Variants in PAK5 observed in about 807,000 individuals in gnomAD.
PAK5 encodes the protein serine/threonine-protein kinase PAK 5.
In PAK5, 16 loss-of-function variants were observed where a neutral mutation model predicts 65.9. That is an observed-to-expected ratio of 0.24 (90% CI 0.16 to 0.37). The LOEUF is 0.37. Among genes scored for constraint, PAK5 ranks in the 10% least tolerant of loss-of-function variants. The pLI, the probability that PAK5 is intolerant of heterozygous loss-of-function variation, is 1.00. For synonymous variants in PAK5, 371 were observed against 354.9 expected, an observed-to-expected ratio of 1.05 and a Z score of -0.51; for missense variants, 785 against 903.9, an observed-to-expected ratio of 0.87 and a Z score of 1.69.
intron 1 of PAK5, among the ~76,000 whole-genome samples, chr20:9,762,964 C>A (rs2048716706): frequency 6.6e-6 from 1 of 152,060 alleles, no homozygotes; most frequent in South Asian, 2.1e-4. Context: ...CTATTTGCAA[C>A]AACATGGATG....
intron 2 of PAK5, among the ~76,000 whole-genome samples, chr20:9,659,396 G>T (rs922054669): frequency 5.3e-5 from 8 of 152,168 alleles, no homozygotes; most frequent in African/African-American, 1.7e-4. Flanking sequence ...TCATATGCTA[G>T]CACCACCTCC....
At chr20:9,682,867 C>A (rs1183704270) in intron 2 of PAK5, among the ~76,000 whole-genome samples, 1 of 152,100 alleles carries the variant, frequency 6.6e-6, no homozygotes, top group Non-Finnish European at 1.5e-5. Context: ...ATGGGATGAT[C>A]CACAGGTGAA....
At chr20:9,553,324 G>A (rs1326319121) in intron 7 of PAK5, among the ~76,000 whole-genome samples, 1 of 152,170 alleles carries the variant, frequency 6.6e-6, no homozygotes, top group African/African-American at 2.4e-5. Flanking sequence ...TCCTGCTGAA[G>A]AAGTCTGGGA....
intron 2 of PAK5, among the ~76,000 whole-genome samples, chr20:9,663,493 T>C (rs1017193913): frequency 2.2e-4 from 33 of 152,300 alleles, no homozygotes; most frequent in African/African-American, 7.7e-4. Context: ...AAAATGCATT[T>C]TCCTCTTCAA....
intron 1 of PAK5, among the ~76,000 whole-genome samples, chr20:9,770,440 ATCTGACTAC>A: frequency 6.6e-6 from 1 of 152,288 alleles, no homozygotes; most frequent in East Asian, 1.9e-4. Context: ...CAGAAACATA[ATCTGACTAC>A]TCGGCAGCTC....
At chr20:9,719,729 C>T (rs760069939) in intron 1 of PAK5, among the ~76,000 whole-genome samples, 5 of 152,122 alleles carry the variant, frequency 3.3e-5, no homozygotes, top group African/African-American at 4.8e-5. Flanking sequence ...ACTTAATTGA[C>T]TACATTGTTC....
chr20:9,750,492 T>C (rs191507703), intron 1 of PAK5, among the ~76,000 whole-genome samples: 2 of 152,318 alleles, frequency 1.3e-5, no homozygotes, highest in East Asian at 3.9e-4. Context: ...GCACTATGTA[T>C]TTGACGAAAT....
chr20:9,594,251 C>A (rs1603237654), intron 3 of PAK5, among the ~76,000 whole-genome samples: 1 of 152,170 alleles, frequency 6.6e-6, no homozygotes, highest in Admixed American at 6.5e-5. Flanking sequence ...AGAATTGCAG[C>A]CCCATCCAGA....
At chr20:9,826,982 C>T (rs1290685196) in intron 1 of PAK5, among the ~76,000 whole-genome samples, 2 of 152,178 alleles carry the variant, frequency 1.3e-5, no homozygotes, top group African/African-American at 2.4e-5. Context: ...TAGTTTGCTT[C>T]ACCACTTTCT....
chr20:9,639,764 G>A (rs762061473), intron 3 of PAK5, among the ~76,000 whole-genome samples: 6 of 152,228 alleles, frequency 3.9e-5, no homozygotes, highest in Non-Finnish European at 8.8e-5. Context: ...TTAGAAGTGA[G>A]GAAATCTTGC....
chr20:9,613,431 A>C (rs920955030), intron 3 of PAK5, among the ~76,000 whole-genome samples: 4 of 152,164 alleles, frequency 2.6e-5, no homozygotes, highest in Non-Finnish European at 5.9e-5. Flanking sequence ...CTGGGAGCTC[A>C]GTGTGCACAG....
At chr20:9,703,819 C>A (rs1440246542) in intron 2 of PAK5, among the ~76,000 whole-genome samples, 2 of 152,116 alleles carry the variant, frequency 1.3e-5, no homozygotes, top group Non-Finnish European at 2.9e-5. Context: ...AGTGGATAGG[C>A]TATTTCCCCC....
intron 4 of PAK5, among the ~76,000 whole-genome samples, chr20:9,567,930 T>C (rs570910370): frequency 6.6e-6 from 1 of 152,002 alleles, no homozygotes; most frequent in Admixed American, 6.5e-5. Flanking sequence ...CCTGGCTGAG[T>C]GAGGGAAAAA....
intron 1 of PAK5, among the ~76,000 whole-genome samples, chr20:9,792,863 AG>A (rs879275942): frequency 2.6e-5 from 4 of 152,152 alleles, no homozygotes; most frequent in Admixed American, 6.5e-5. Flanking sequence ...GAATGAAGCA[AG>A]GATATGACTC....
At chr20:9,695,142 T>A (rs1347271089) in intron 2 of PAK5, among the ~76,000 whole-genome samples, 1 of 152,076 alleles carries the variant, frequency 6.6e-6, no homozygotes, top group Non-Finnish European at 1.5e-5. Flanking sequence ...GAGTTTGAGC[T>A]TCTTTCATGT....
chr20:9,694,609 A>G (rs1474778115), intron 2 of PAK5, among the ~76,000 whole-genome samples: 1 of 152,012 alleles, frequency 6.6e-6, no homozygotes, highest in Admixed American at 6.6e-5. Context: ...CCCACCAGAG[A>G]TTGATTGGTC....
At chr20:9,635,794 CAAAA>C (rs1378440649) in intron 3 of PAK5, among the ~76,000 whole-genome samples, 1 of 152,072 alleles carries the variant, frequency 6.6e-6, no homozygotes, top group Non-Finnish European at 1.5e-5. Context: ...AACAAACAAA[CAAAA>C]AACACTGATT....
intron 3 of PAK5, among the ~76,000 whole-genome samples, chr20:9,606,619 T>C (rs773674812): frequency 6.6e-6 from 1 of 152,144 alleles, no homozygotes; most frequent in Non-Finnish European, 1.5e-5. Flanking sequence ...AAGAATTCCA[T>C]GAAAATTAAG....
chr20:9,820,186 A>C (rs1007253695), intron 1 of PAK5, among the ~76,000 whole-genome samples: 1 of 152,220 alleles, frequency 6.6e-6, no homozygotes, highest in African/African-American at 2.4e-5. Context: ...CTGCAAAGAC[A>C]AGTTTAATCT....
Sources: allele counts gnomAD v4.1 joint callset (sites outside exome capture counted in the v4.1 genomes callset), GRCh38; gene constraint gnomAD v4.1.1; transcripts MANE v1.5; gene names NCBI Gene and HGNC (gene_info 2026-07-23, HGNC 2026-07-21).